Variants in TFCP2 observed in about 807,000 individuals in gnomAD.
TFCP2 encodes alpha-globin transcription factor CP2.
In TFCP2, 33 loss-of-function variants were observed where a neutral mutation model predicts 73.4. That is an observed-to-expected ratio of 0.45 (90% CI 0.34 to 0.60). The LOEUF is 0.60. Among genes scored for constraint, TFCP2 ranks in the 20% least tolerant of loss-of-function variants. TFCP2 has a pLI of 0.01. For missense variants in TFCP2, 352 were observed against 604.0 expected, an observed-to-expected ratio of 0.58 and a Z score of 4.37; for synonymous variants, 193 against 211.6, an observed-to-expected ratio of 0.91 and a Z score of 0.76.
intron 1 of TFCP2, among the ~76,000 whole-genome samples, chr12:51,122,948 G>T (rs1940719939): frequency 1.3e-5 from 2 of 152,150 alleles, no homozygotes; most frequent in Non-Finnish European, 2.9e-5. Flanking sequence ...TAAAAGATTA[G>T]TAAAGATTAC....
chr12:51,156,324 C>T (rs1170557097), intron 1 of TFCP2, among the ~76,000 whole-genome samples: 1 of 150,274 alleles, frequency 6.7e-6, no homozygotes, highest in Non-Finnish European at 1.5e-5. Context: ...AGGTATGTCA[C>T]ATGGCAACAG....
In TFCP2 at chr12:51,136,397, C is replaced by T. The variant is rs138084602; in HGVS notation, c.123-17625G>A. Among the ~76,000 whole-genome samples the T allele has an allele frequency of 6.2e-4, 94 of 152,132 alleles. 1 individual carries two copies. Among genetic ancestry groups the T allele is most frequent in the African/African-American group, 2.1e-3 (88 of 41,536 alleles). ...TCTATCTCTTCACAGCAATACCATA[C>T]TAAATTATTCTGCAAACCCCTCATG... On this transcript the variant is annotated intron_variant, in intron 1 of 14. Coordinates refer to ENST00000257915, the MANE Select transcript of TFCP2 (RefSeq NM_005653.5).
intron 2 of TFCP2, among the ~76,000 whole-genome samples, chr12:51,118,110 A>C (rs74696715): frequency 6.6e-6 from 1 of 152,352 alleles, no homozygotes; most frequent in East Asian, 1.9e-4. Context: ...TAGGAAGAGG[A>C]AGCTGGACAC....
chr12:51,111,636 A>G (rs1226699385), intron 4 of TFCP2, among the ~76,000 whole-genome samples: 2 of 151,750 alleles, frequency 1.3e-5, no homozygotes, highest in Non-Finnish European at 2.9e-5. Context: ...CAGGCGGATC[A>G]TGATGTCAGG....
intron 2 of TFCP2, among the ~76,000 whole-genome samples, chr12:51,117,953 A>G (rs543196896): frequency 6.6e-6 from 1 of 152,200 alleles, no homozygotes; most frequent in Non-Finnish European, 1.5e-5. Flanking sequence ...TTTCTAAGGT[A>G]TTATCAATCC....
intron 13 of TFCP2, among the ~76,000 whole-genome samples, chr12:51,097,820 C>T (rs1015188495): frequency 2.6e-5 from 4 of 151,632 alleles, no homozygotes; most frequent in Non-Finnish European, 5.9e-5. Flanking sequence ...AGTTCGAGAC[C>T]AGACTGGCCA....
intron 9 of TFCP2, 34 bp downstream of exon 9, chr12:51,104,121 A>G (rs766390071): frequency 1.2e-5 from 19 of 1,607,168 alleles, no homozygotes; most frequent in Admixed American, 3.3e-5. Context: ...ATTACCAGAC[A>G]TTGCAAGTAA....
At chr12:51,116,916 C>CA (rs2136981890) in intron 3 of TFCP2, among the ~76,000 whole-genome samples, 1 of 152,302 alleles carries the variant, frequency 6.6e-6, no homozygotes, top group African/African-American at 2.4e-5. Flanking sequence ...CGGGTCCAGC[C>CA]AATTTCTCAG....
chr12:51,117,059 G>A (rs1940545871), intron 3 of TFCP2, among the ~76,000 whole-genome samples: 1 of 152,102 alleles, frequency 6.6e-6, no homozygotes, highest in African/African-American at 2.4e-5. Context: ...GGCCTATCTG[G>A]CTTAGCTCTT....
chr12:51,147,529 T>TA (rs573397323), intron 1 of TFCP2, among the ~76,000 whole-genome samples: 1 of 147,822 alleles, frequency 6.8e-6, no homozygotes, highest in East Asian at 2.0e-4. Flanking sequence ...TAGGAAGAGG[T>TA]GGGGGGGGAA....
chr12:51,109,970 C>G (rs181692527), intron 5 of TFCP2, among the ~76,000 whole-genome samples: 4 of 152,132 alleles, frequency 2.6e-5, no homozygotes, highest in African/African-American at 9.6e-5. Context: ...CTGCCTGCCT[C>G]GGCCTCCCAA....
intron 1 of TFCP2, among the ~76,000 whole-genome samples, chr12:51,137,363 A>G (rs1394079640): frequency 6.6e-6 from 1 of 152,174 alleles, no homozygotes; most frequent in Non-Finnish European, 1.5e-5. Context: ...AAACACATCT[A>G]ATTTTTGCTA....
In TFCP2 at chr12:51,095,090, G is replaced by A; in HGVS notation, c.*151C>T. On this transcript the variant is annotated 3_prime_UTR_variant, in exon 15 of 15. Coordinates refer to ENST00000257915, the MANE Select transcript of TFCP2 (RefSeq NM_005653.5). ...GAGCTTGGGCCAACACAGAGGGCCA[G>A]GATTCTGCCTCCATGGCCTGGACTC... 7 of 831,166 alleles carry A rather than the reference G, an allele frequency of 8.4e-6. No individual in the cohort carries two copies. Among genetic ancestry groups the A allele is most frequent in the Non-Finnish European group, 1.2e-5 (6 of 490,982 alleles). The allele number at this position is 831,166 out of a possible 1,614,324, so 51.5% of individuals were successfully genotyped here.
chr12:51,152,668 A>C (rs1368065657), intron 1 of TFCP2, among the ~76,000 whole-genome samples: 2 of 152,256 alleles, frequency 1.3e-5, no homozygotes, highest in Admixed American at 1.3e-4. Flanking sequence ...AAAGAGAAGG[A>C]TAAAGCAAAT....
chr12:51,156,670 G>A lies in TFCP2; in HGVS notation c.122+15631C>T, dbSNP rs575531087. The stretch of plus-strand genomic sequence containing the variant: ...TGAAATGTTGATAGAATTCACCAGC[G>A]AAGTCATCAGGTCCAGAGATTTCTT... On this transcript the variant is annotated intron_variant, in intron 1 of 14. Transcript: ENST00000257915. Among the ~76,000 whole-genome samples, 32 of 152,328 alleles carry A rather than the reference G, an allele frequency of 2.1e-4. No homozygotes were observed. The South Asian group carries it at 3.5e-3, about 17-fold the overall frequency.
intron 1 of TFCP2, among the ~76,000 whole-genome samples, chr12:51,136,187 T>C (rs1941056311): frequency 6.6e-6 from 1 of 151,686 alleles, no homozygotes; most frequent in Admixed American, 6.6e-5. Context: ...CAGGTGCCTG[T>C]AGTCCCAGCT....
intron 6 of TFCP2, 81 bp from the exon 7 acceptor site, chr12:51,107,427 A>T: frequency 1.7e-6 from 2 of 1,148,930 alleles, no homozygotes; most frequent in Non-Finnish European, 2.6e-6. Context: ...TTAAATATTC[A>T]TGTATGAAAC....
chr12:51,172,736 T>C lies in TFCP2; in HGVS notation c.-314A>G, dbSNP rs901361396. ...TGGACTCCCGCACTCCCACTCCTCT[T>C]GAGAGTTCGTAGTGGTGGCTTGCTG... On this transcript the variant is annotated 5_prime_UTR_variant, in exon 1 of 15. Coordinates refer to ENST00000257915, the MANE Select transcript of TFCP2 (RefSeq NM_005653.5). 4.1e-6 allele frequency: 1 copy of C among 241,088 alleles called. No individual in the cohort carries two copies. The highest frequency in any genetic ancestry group is 2.2e-5 in the African/African-American group (1 of 44,718). The allele number at this position is 241,088 out of a possible 1,614,324, so 14.9% of individuals were successfully genotyped here.
At chr12:51,141,540 C>T (rs1245218868) in intron 1 of TFCP2, among the ~76,000 whole-genome samples, 2 of 151,918 alleles carry the variant, frequency 1.3e-5, no homozygotes, top group Non-Finnish European at 1.5e-5. Context: ...ACCTGGCCAT[C>T]CTAGGTACTT....
Sources: gnomAD v4.1 joint callset for allele counts (sites outside exome capture counted in the v4.1 genomes callset) on GRCh38, gnomAD v4.1.1 for gene constraint, MANE v1.5 for transcripts, NCBI Gene and HGNC (gene_info 2026-07-23, HGNC 2026-07-21) for gene names.